Variants in DNM3 observed in about 807,000 individuals in gnomAD.
The protein encoded by DNM3 is dynamin 3, also known as dynamin-3.
DNM3 carries 47 observed loss-of-function variants against 101.6 expected under a neutral mutation model. The observed-to-expected ratio is 0.46, with a 90% CI of 0.37 to 0.59. The LOEUF is 0.59. Among genes scored for constraint, DNM3 ranks in the 20% least tolerant of loss-of-function variants. The probability of loss-of-function intolerance (pLI) is 0.00; values close to 1 mark genes in which losing one functional copy is unlikely to be tolerated. For missense variants in DNM3, 849 were observed against 1,085.7 expected, an observed-to-expected ratio of 0.78 and a Z score of 3.06; for synonymous variants, 385 against 387.9, an observed-to-expected ratio of 0.99 and a Z score of 0.09.
chr1:172,075,826 A>T (rs1473755823), intron 11 of DNM3, among the ~76,000 whole-genome samples: 2 of 152,198 alleles, frequency 1.3e-5, no homozygotes, highest in Non-Finnish European at 2.9e-5. Context: ...TGAAATTTAA[A>T]GTAGTTTTTT....
intron 15 of DNM3, among the ~76,000 whole-genome samples, chr1:172,300,074 C>CTCA (rs2064363609): frequency 6.6e-6 from 1 of 152,134 alleles, no homozygotes; most frequent in Admixed American, 6.5e-5. Context: ...TTAGTAGTAG[C>CTCA]CATTCTAACT....
chr1:172,305,785 A>G (rs961262093), intron 15 of DNM3, among the ~76,000 whole-genome samples: 1 of 152,246 alleles, frequency 6.6e-6, no homozygotes, highest in African/African-American at 2.4e-5. Flanking sequence ...GAAAAACCAC[A>G]TGATTATCTC....
At chr1:172,085,601 A>T (rs1312921347) in intron 12 of DNM3, among the ~76,000 whole-genome samples, 1 of 152,158 alleles carries the variant, frequency 6.6e-6, no homozygotes, top group East Asian at 1.9e-4. Flanking sequence ...TCTGCTCAGT[A>T]GGTCTCAACA....
At chr1:172,100,378 G>A (rs1299033910) in intron 13 of DNM3, among the ~76,000 whole-genome samples, 1 of 152,096 alleles carries the variant, frequency 6.6e-6, no homozygotes, top group Non-Finnish European at 1.5e-5. Context: ...ATTATAAATG[G>A]ACCTCACTAT....
chr1:172,116,030 A>C (rs1035067972), intron 13 of DNM3, among the ~76,000 whole-genome samples: 1 of 152,190 alleles, frequency 6.6e-6, no homozygotes, highest in African/African-American at 2.4e-5. Flanking sequence ...GGATGGATGG[A>C]TGGATGGATC....
At chr1:171,921,207 C>A (rs1422701368) in intron 1 of DNM3, among the ~76,000 whole-genome samples, 1 of 152,044 alleles carries the variant, frequency 6.6e-6, no homozygotes, top group Non-Finnish European at 1.5e-5. Flanking sequence ...CTCAGCCTCC[C>A]ATAGTGCTGG....
At chr1:171,936,757 T>G (rs929334161) in intron 2 of DNM3, among the ~76,000 whole-genome samples, 1 of 125,868 alleles carries the variant, frequency 7.9e-6, no homozygotes, top group African/African-American at 3.0e-5. Context: ...ATTATCAGTA[T>G]TGAGTATTTG....
At chr1:172,277,053 G>C (rs940783340) in intron 15 of DNM3, among the ~76,000 whole-genome samples, 2 of 151,988 alleles carry the variant, frequency 1.3e-5, no homozygotes, top group Non-Finnish European at 2.9e-5. Flanking sequence ...ACCTATAAGT[G>C]CTTTATTGAG....
intron 2 of DNM3, among the ~76,000 whole-genome samples, chr1:171,950,673 A>G (rs1232845474): frequency 6.6e-6 from 1 of 152,140 alleles, no homozygotes. Flanking sequence ...TTGGTGGAGG[A>G]TGGGAAATGG....
rs6697002 is a variant in DNM3, at chr1:172,329,298, T to C, written c.1893+5958T>C. Reference sequence around the variant, plus strand: ...GAATGTCTGGTAAAATACAGAAAACTAGAGCTGTATAGAAAAATTTAAATG... The same window carrying C: ...GAATGTCTGGTAAAATACAGAAAACCAGAGCTGTATAGAAAAATTTAAATG... On this transcript the variant is annotated intron_variant, in intron 17 of 20. Coordinates refer to ENST00000627582, the MANE Select transcript of DNM3 (RefSeq NM_015569.5). Among the ~76,000 whole-genome samples the C allele has an allele frequency of 2.1e-3, 320 of 152,128 alleles. 1 individual carries two copies. The highest frequency in any genetic ancestry group is 7.1e-3 in the African/African-American group (294 of 41,528).
chr1:171,926,860 G>A (rs1269293515), intron 2 of DNM3, among the ~76,000 whole-genome samples: 1 of 152,100 alleles, frequency 6.6e-6, no homozygotes, highest in South Asian at 2.1e-4. Context: ...ATGCATTCAT[G>A]ATAAAACTCT....
intron 17 of DNM3, among the ~76,000 whole-genome samples, chr1:172,350,751 G>A (rs1277539659): frequency 1.3e-5 from 2 of 152,142 alleles, no homozygotes; most frequent in Non-Finnish European, 2.9e-5. Flanking sequence ...TCATCTATCT[G>A]TATATACATG....
At chr1:172,245,181 C>G (rs773365292) in intron 14 of DNM3, among the ~76,000 whole-genome samples, 6 of 152,018 alleles carry the variant, frequency 3.9e-5, no homozygotes, top group Non-Finnish European at 8.8e-5. Flanking sequence ...GGTTTGGTAG[C>G]AAAGTCAGCA....
chr1:172,294,144 A>G, intron 15 of DNM3, among the ~76,000 whole-genome samples: 1 of 152,234 alleles, frequency 6.6e-6, no homozygotes, highest in South Asian at 2.1e-4. Context: ...AAGATAATCC[A>G]TCACTCTTTC....
intron 1 of DNM3, among the ~76,000 whole-genome samples, chr1:171,909,193 C>T (rs951799708): frequency 6.6e-6 from 1 of 151,956 alleles, no homozygotes; most frequent in Non-Finnish European, 1.5e-5. Context: ...GTAATGTCAG[C>T]ACTTTGGGAG....
chr1:172,257,161 T>C (rs552417232), intron 15 of DNM3, among the ~76,000 whole-genome samples: 2 of 152,224 alleles, frequency 1.3e-5, no homozygotes, highest in South Asian at 2.1e-4. Flanking sequence ...TTATCTTTTC[T>C]TCATCTCAAA....
chr1:172,339,510 T>C (rs1020534534), intron 17 of DNM3, among the ~76,000 whole-genome samples: 5 of 152,188 alleles, frequency 3.3e-5, no homozygotes, highest in African/African-American at 1.2e-4. Flanking sequence ...TTTGTCATGC[T>C]ATGCTTACGG....
chr1:172,338,078 G>A (rs911916442), intron 17 of DNM3, among the ~76,000 whole-genome samples: 13 of 151,426 alleles, frequency 8.6e-5, no homozygotes, highest in South Asian at 4.2e-4. Flanking sequence ...CACCAAGCCC[G>A]GCTGATTTTT....
chr1:171,988,407 T>C (rs987431233), intron 3 of DNM3, among the ~76,000 whole-genome samples: 1 of 151,906 alleles, frequency 6.6e-6, no homozygotes, highest in African/African-American at 2.4e-5. Context: ...GGTGCCAACA[T>C]TGTTTATATG....
Sources: allele counts gnomAD v4.1 joint callset (sites outside exome capture counted in the v4.1 genomes callset), GRCh38; gene constraint gnomAD v4.1.1; transcripts MANE v1.5; gene names NCBI Gene and HGNC (gene_info 2026-07-23, HGNC 2026-07-21).